FAM72C: variants seen among roughly 807,000 people sequenced by gnomAD.
FAM72C encodes RUMY family member 3, also known as protein FAM72C.
FAM72C carries 1 observed loss-of-function variant against 5.2 expected under a neutral mutation model. The observed-to-expected ratio is 0.19, with a 90% confidence interval of 0.07 to 0.91. The LOEUF is 0.91. Among genes scored for constraint, FAM72C ranks in the 40% least tolerant of loss-of-function variants. The pLI is 0.66. For synonymous variants in FAM72C, 1 was observed against 21.8 expected (o/e 0.05, Z 2.66); for missense variants, 4 against 66.0 (o/e 0.06, Z 3.25).
At chr1:143,962,108 G>A (rs1661658131) in intron 3 of FAM72C, among the ~76,000 whole-genome samples, 2 of 133,966 alleles carry the variant, frequency 1.5e-5, no homozygotes, top group Non-Finnish European at 1.6e-5. Context: ...TCCGCCTCCC[G>A]GGTTCAAGCC....
rs1468744909 is a variant in FAM72C at position 143,955,297 on chromosome 1, T to A, written c.*1090A>T. 2.1e-5 allele frequency: 3 copies of A among 144,456 alleles called. No homozygotes were observed. Among genetic ancestry groups the A allele is most frequent in the African/African-American group, 7.8e-5 (3 of 38,546 alleles). The allele number at this position is 144,456 out of a possible 1,614,324, so 8.9% of individuals were successfully genotyped here. On this transcript the variant is annotated 3_prime_UTR_variant, in exon 4 of 4. Coordinates refer to ENST00000584486, the MANE Select transcript of FAM72C (RefSeq NM_001287385.2). ...AACATTAGCCTTATATTCTATACTTTAAGTACCATTTATTTATATTTTTAC... is the reference window on the plus strand; with the variant it reads ...AACATTAGCCTTATATTCTATACTTAAAGTACCATTTATTTATATTTTTAC...
In FAM72C at chr1:143,965,348, A is replaced by G. The variant is rs1661747476; in HGVS notation, c.231-369T>C. ...ATAGCTGGGATTACAGGCGTGTGCCACCATGCCCAGCTAACTTTTGTGTTA... is the reference window on the plus strand; with the variant it reads ...ATAGCTGGGATTACAGGCGTGTGCCGCCATGCCCAGCTAACTTTTGTGTTA... On this transcript the variant is annotated intron_variant, in intron 2 of 3. Transcript: ENST00000584486. 3.4e-5 allele frequency among the ~76,000 whole-genome samples: 3 copies of G among 88,254 alleles called. No individual in the cohort carries two copies. The South Asian group carries it at 1.1e-3, about 33-fold the overall frequency. 57.9% of individuals were successfully genotyped at this position (88,254 alleles called of 152,430 possible).
chr1:143,960,855 A>G (rs1391738766), intron 3 of FAM72C, among the ~76,000 whole-genome samples: 1 of 117,528 alleles, frequency 8.5e-6, no homozygotes, highest in African/African-American at 3.3e-5. Flanking sequence ...TTTTTTTGAG[A>G]CAGGATCTCA....
At chr1:143,966,961 G>C (rs1661790467) in intron 2 of FAM72C, among the ~76,000 whole-genome samples, 1 of 144,612 alleles carries the variant, frequency 6.9e-6, no homozygotes, top group Admixed American at 6.9e-5. Context: ...CCAGAAGACG[G>C]AGGTTGCAGT....
rs1368458171 is a variant in FAM72C at position 143,967,050 on chromosome 1, G to A, written c.230+1874C>T. On this transcript the variant is annotated intron_variant, in intron 2 of 3. Coordinates refer to ENST00000584486, the MANE Select transcript of FAM72C (RefSeq NM_001287385.2). ...CTCAAAGCAAAACAAAAAAAATGTC[G>A]TTGCCCAGGTGCGGTGGCTCACACC... 2.7e-3 allele frequency among the ~76,000 whole-genome samples: 381 copies of A among 142,372 alleles called. 41 individuals carry two copies. Among genetic ancestry groups the A allele is most frequent in the African/African-American group, 9.1e-3 (349 of 38,200 alleles). The allele number at this position is 142,372 out of a possible 152,430, so 93.4% of individuals were successfully genotyped here. A position where few individuals can be genotyped will look rare whatever the true frequency, so the allele number is the denominator to read the frequency against.
rs868981653 is a variant in FAM72C at position 143,959,101 on chromosome 1, C to T, written c.356-2620G>A. On this transcript the variant is annotated intron_variant, in intron 3 of 3. Transcript: ENST00000584486. ...AAATAAACTAAGAGATTGGATCTGA[C>T]AGAAGCAGCACCTTCCTTTCTCTGT... is the stretch of plus-strand genomic sequence containing the variant. Among the ~76,000 whole-genome samples the T allele has an allele frequency of 6.6e-4, 91 of 137,884 alleles. 12 individuals are homozygous for T. The highest frequency in any genetic ancestry group is 2.5e-3 in the African/African-American group (84 of 33,338). 90.5% of individuals were successfully genotyped at this position (137,884 alleles called of 152,430 possible). A position where few individuals can be genotyped will look rare whatever the true frequency, so the allele number is the denominator to read the frequency against.
intron 3 of FAM72C, among the ~76,000 whole-genome samples, chr1:143,962,442 G>GT (rs1172638792): frequency 9.6e-6 from 1 of 104,022 alleles, no homozygotes; most frequent in Non-Finnish European, 2.0e-5. Context: ...AGCTGGGCAT[G>GT]TACCACCACG....
intron 2 of FAM72C, among the ~76,000 whole-genome samples, chr1:143,968,029 C>A: frequency 1.7e-5 from 1 of 60,286 alleles, no homozygotes; most frequent in African/African-American, 6.9e-5. Flanking sequence ...CCTGTCTCTA[C>A]TAAAAAAAAA....
At chr1:143,965,980 T>A (rs1243818724) in intron 2 of FAM72C, among the ~76,000 whole-genome samples, 4 of 112,908 alleles carry the variant, frequency 3.5e-5, no homozygotes, top group Admixed American at 9.2e-5. Context: ...GCTAGTACTT[T>A]AAAAAAAATA....
intron 3 of FAM72C, among the ~76,000 whole-genome samples, chr1:143,959,224 C>G (rs587730348): frequency 1.5e-5 from 2 of 135,550 alleles, no homozygotes; most frequent in Non-Finnish European, 3.1e-5. Context: ...AAAAATTGAC[C>G]AATATTAAAA....
chr1:143,967,493 A>G (rs1661808567), intron 2 of FAM72C, among the ~76,000 whole-genome samples: 8 of 142,636 alleles, frequency 5.6e-5, no homozygotes, highest in Non-Finnish European at 1.5e-5. Context: ...AAAAAAAAAA[A>G]GAAAAGAAAG....
rs1472980862 is a variant in FAM72C at position 143,962,266 on chromosome 1, G to A, written c.355+2589C>T. Among the ~76,000 whole-genome samples, 7 of 144,798 alleles carry A rather than the reference G, an allele frequency of 4.8e-5. 2 individuals carry two copies. Among genetic ancestry groups the A allele is most frequent in the South Asian group, 4.6e-4 (2 of 4,350 alleles). 95.0% of individuals were successfully genotyped at this position (144,798 alleles called of 152,430 possible). A position where few individuals can be genotyped will look rare whatever the true frequency, so the allele number is the denominator to read the frequency against. ...CAACCTCAGGTGATCTGCCCGCTTCGGCCTCCCAAACTGCTGGGATTACAG... is the reference window on the plus strand; with the variant it reads ...CAACCTCAGGTGATCTGCCCGCTTCAGCCTCCCAAACTGCTGGGATTACAG... On this transcript the variant is annotated intron_variant, in intron 3 of 3. Coordinates refer to ENST00000584486, the MANE Select transcript of FAM72C (RefSeq NM_001287385.2).
chr1:143,959,932 G>A (rs1329198019), intron 3 of FAM72C, among the ~76,000 whole-genome samples: 3 of 137,746 alleles, frequency 2.2e-5, no homozygotes, highest in African/African-American at 8.8e-5. Context: ...AGCCAAGATT[G>A]TGCCACTACA....
rs2101682274 is a variant in FAM72C at position 143,955,287 on chromosome 1, T to A, written c.*1100A>T. The A allele has an allele frequency of 6.9e-6, 1 of 144,214 alleles. No individual in the cohort carries two copies. Among genetic ancestry groups the A allele is most frequent in the African/African-American group, 2.6e-5 (1 of 38,508 alleles). The allele number at this position is 144,214 out of a possible 1,614,324, so 8.9% of individuals were successfully genotyped here. A position where few individuals can be genotyped will look rare whatever the true frequency, so the allele number is the denominator to read the frequency against. Reference sequence around the variant, plus strand: ...GTATTCAATAAACATTAGCCTTATATTCTATACTTTAAGTACCATTTATTT... The same window carrying A: ...GTATTCAATAAACATTAGCCTTATAATCTATACTTTAAGTACCATTTATTT... On this transcript the variant is annotated 3_prime_UTR_variant, in exon 4 of 4. Transcript: ENST00000584486.
intron 2 of FAM72C, among the ~76,000 whole-genome samples, chr1:143,967,270 G>A (rs1314568869): frequency 6.9e-6 from 1 of 145,644 alleles, no homozygotes; most frequent in African/African-American, 2.5e-5. Flanking sequence ...CTGAGCTCAG[G>A]AGTTTGAGAG....
rs1338870 is a variant in FAM72C, at chr1:143,955,645, T to C, written c.*742A>G. 0.019 allele frequency: 2,562 copies of C among 134,428 alleles called. 62 individuals carry two copies. Among genetic ancestry groups the C allele is most frequent in the African/African-American group, 0.066 (2,093 of 31,558 alleles). The allele number at this position is 134,428 out of a possible 1,614,324, so 8.3% of individuals were successfully genotyped here. A position where few individuals can be genotyped will look rare whatever the true frequency, so the allele number is the denominator to read the frequency against. ...TTTCTATTTAAGATTTAGGACAGAC[T>C]ACTCGTCTAAAATTCACTATTTACA... is the stretch of plus-strand genomic sequence containing the variant. On this transcript the variant is annotated 3_prime_UTR_variant, in exon 4 of 4. Transcript: ENST00000584486.
intron 2 of FAM72C, among the ~76,000 whole-genome samples, chr1:143,966,802 T>A (rs1570992714): frequency 7.1e-6 from 1 of 140,224 alleles, no homozygotes; most frequent in Non-Finnish European, 1.6e-5. Context: ...CTGAGGCGGG[T>A]GGATCACTTG....
At chr1:143,963,895 G>T (rs1181239974) in intron 3 of FAM72C, among the ~76,000 whole-genome samples, 5 of 119,992 alleles carry the variant, frequency 4.2e-5, no homozygotes, top group Admixed American at 8.6e-5. Context: ...ACAGCTCACT[G>T]CAGCCTCTAC....
rs1479086928 is a variant in FAM72C at position 143,967,473 on chromosome 1, G to A, written c.230+1451C>T. 1.3e-4 allele frequency among the ~76,000 whole-genome samples: 18 copies of A among 135,308 alleles called. 2 individuals carry two copies. Among genetic ancestry groups the A allele is most frequent in the Middle Eastern group, 3.7e-3 (1 of 268 alleles). 88.8% of individuals were successfully genotyped at this position (135,308 alleles called of 152,430 possible). ...AGCCTGGGCGACAGAGCAAAACTCCGTCTTAAAAAAAAAAAAAAAAGAAAA... is the reference window on the plus strand; with the variant it reads ...AGCCTGGGCGACAGAGCAAAACTCCATCTTAAAAAAAAAAAAAAAAGAAAA... On this transcript the variant is annotated intron_variant, in intron 2 of 3. Transcript: ENST00000584486.
Sources: allele counts gnomAD v4.1 joint callset (sites outside exome capture counted in the v4.1 genomes callset), GRCh38; gene constraint gnomAD v4.1.1; transcripts MANE v1.5; gene names NCBI Gene and HGNC (gene_info 2026-07-23, HGNC 2026-07-21).